Variants in SNORC observed in about 807,000 individuals in gnomAD.
The protein encoded by SNORC is secondary ossification center associated regulator of chondrocyte maturation.
In SNORC, 11 loss-of-function variants were observed where a neutral mutation model predicts 9.7. That is an observed-to-expected ratio of 1.14 (90% CI 0.72 to 1.88). The LOEUF is 1.88. Among genes scored for constraint, SNORC ranks in the 40% most tolerant of loss-of-function variants. The pLI is 0.00. For synonymous variants in SNORC, 108 were observed against 88.7 expected (o/e 1.22, Z -1.22); for missense variants, 197 against 173.1 (o/e 1.14, Z -0.77).
At chr2:232,870,355 T>C (rs1316999155) in exon 1 of SNORC, 3 of 1,562,910 alleles carry the variant, frequency 1.9e-6, no homozygotes, top group Middle Eastern at 1.7e-4. Context: ...GCATCCTGTC[T>C]GGCCCTGCGC....
chr2:232,866,622 C>T (rs767067548), upstream of SNORC, among the ~76,000 whole-genome samples: 31 of 152,080 alleles, frequency 2.0e-4, no homozygotes, highest in Non-Finnish European at 3.5e-4. Flanking sequence ...TTCACCACAG[C>T]TTATGAGATT....
chr2:232,869,969 C>G (rs1400503891), upstream of SNORC: 2 of 348,940 alleles, frequency 5.7e-6, no homozygotes, highest in Non-Finnish European at 1.1e-5. Context: ...GTTTCAAGTT[C>G]CCTGGGTGAT....
Position 232,876,059 on chromosome 2 carries a change from G to A in SNORC, c.193G>A (p.Ala65Thr), listed in dbSNP as rs1691223009. 4 of 1,536,984 alleles carry A rather than the reference G, an allele frequency of 2.6e-6. No homozygotes were observed. Among genetic ancestry groups the A allele is most frequent in the Non-Finnish European group, 3.5e-6 (4 of 1,146,116 alleles). ...GGAGCCCGTGGACACCGGTCCCCCA[G>A]CCCCCACCGTCGCGCCAGGACCCGA... is the stretch of plus-strand genomic sequence containing the variant. Residue 65 changes from alanine (A) to threonine (T), a missense_variant, in exon 2 of 3, where the codon GCC (alanine) becomes ACC (threonine). Ala to Thr is a moderately conservative substitution (Grantham distance 58). Coordinates refer to ENST00000331342, the Ensembl canonical transcript of SNORC. This position sits in a 1 kb window ranked among gnomAD's most constrained non-coding sequence, Gnocchi z 6.8.
intron 1 of SNORC, 30 bp from the exon 2 acceptor site, chr2:232,875,910 G>T: frequency 3.3e-6 from 5 of 1,525,238 alleles, no homozygotes; most frequent in Non-Finnish European, 4.4e-6. Context: ...CCGTCACCTG[G>T]GGCCCCAGCA....
chr2:232,876,038 C>A lies in SNORC; in HGVS notation c.172C>A (p.Pro58Thr), dbSNP rs1284888757. Residue 58 changes from proline to threonine, a missense_variant, in exon 2 of 3, where the codon CCC (proline) becomes ACC (threonine). By Grantham distance (38) the Pro-to-Thr change is conservative (BLOSUM62 -1). Coordinates refer to ENST00000331342, the Ensembl canonical transcript of SNORC. The surrounding 1 kb of genome is among the most constrained non-coding windows in gnomAD (Gnocchi z 6.8). ...GGAGAGCACCAGCCCCGGCCGGGAG[C>A]CCGTGGACACCGGTCCCCCAGCCCC... 1.3e-6 allele frequency: 2 copies of A among 1,543,034 alleles called. No individual in the cohort carries two copies. The highest frequency in any genetic ancestry group is 3.9e-5 in the Admixed American group (2 of 51,252).
At chr2:232,875,895 C>T (rs773494303) in intron 1 of SNORC, 45 bp from the exon 2 acceptor site, 16 of 1,509,490 alleles carry the variant, frequency 1.1e-5, no homozygotes, top group Non-Finnish European at 1.4e-5. Context: ...ACGTCCCTGT[C>T]GGCCCCGTCA....
At chr2:232,866,954 C>CA (rs1008587703), upstream of SNORC, among the ~76,000 whole-genome samples, 1 of 152,160 alleles carries the variant, frequency 6.6e-6, no homozygotes, top group African/African-American at 2.4e-5. Flanking sequence ...GACAGGGTTT[C>CA]ACCATGTCTC....
chr2:232,877,149 G>GT, downstream of SNORC: 1 of 985,656 alleles, frequency 1.0e-6, no homozygotes, highest in Non-Finnish European at 1.2e-6. Flanking sequence ...TGAGTCGAGA[G>GT]TCGACGCCGG....
downstream of SNORC, chr2:232,877,215 G>T (rs532388670): frequency 1.0e-6 from 1 of 985,490 alleles, no homozygotes; most frequent in African/African-American, 1.7e-5. Context: ...GGGGCCGGCA[G>T]CCCCCACGCC....
At chr2:232,877,019 C>T (rs1032889000), downstream of SNORC, 7 of 985,556 alleles carry the variant, frequency 7.1e-6, no homozygotes, top group East Asian at 1.1e-4. Context: ...GCTCTCCCAG[C>T]CAGAGGCCGC....
downstream of SNORC, chr2:232,877,080 C>G: frequency 1.0e-6 from 1 of 985,920 alleles, no homozygotes; most frequent in African/African-American, 1.7e-5. Flanking sequence ...GGGCCCCATC[C>G]GCGGGCTCAG....
At chr2:232,878,423 C>T (rs113110372), downstream of SNORC, 1,236 of 157,552 alleles carry the variant, frequency 7.8e-3, 23 homozygotes, top group African/African-American at 0.027. Context: ...CTACGGTCTT[C>T]CAAAGCTGTG....
At chr2:232,870,460 G>A (rs750586693) in intron 1 of SNORC, 46 bp downstream of exon 1, 1 of 1,522,976 alleles carries the variant, frequency 6.6e-7, no homozygotes, top group South Asian at 1.2e-5. Flanking sequence ...GCCTCCCAGG[G>A]CCGATAACTA....
chr2:232,876,660 T>C (rs2106197859), downstream of SNORC: 1 of 1,011,660 alleles, frequency 9.9e-7, no homozygotes, highest in Non-Finnish European at 1.2e-6. This position sits in a 1 kb window ranked among gnomAD's most constrained non-coding sequence, Gnocchi z 6.8. Flanking sequence ...GGCGTCCCCG[T>C]GCACCACGGC....
intron 1 of SNORC, among the ~76,000 whole-genome samples, 189 bp downstream of exon 1, chr2:232,870,603 A>G (rs1690992461): frequency 6.6e-6 from 1 of 152,214 alleles, no homozygotes; most frequent in African/African-American, 2.4e-5. Context: ...TGGACGTCTC[A>G]GGAAATTGTT....
In SNORC at chr2:232,876,231, C is replaced by T; in HGVS notation, c.257-16C>T. 1.3e-6 allele frequency: 2 copies of T among 1,498,812 alleles called. No homozygotes were observed. Among genetic ancestry groups the T allele is most frequent in the Non-Finnish European group, 1.8e-6 (2 of 1,130,762 alleles). The allele number at this position is 1,498,812 out of a possible 1,614,324, so 92.8% of individuals were successfully genotyped here. A position where few individuals can be genotyped will look rare whatever the true frequency, so the allele number is the denominator to read the frequency against. On this transcript the variant is annotated splice_polypyrimidine_tract_variant and intron_variant, in intron 2 of 2. Coordinates refer to ENST00000331342, the Ensembl canonical transcript of SNORC. This position sits in a 1 kb window ranked among gnomAD's most constrained non-coding sequence, Gnocchi z 6.8. ...GGCGGGGGCTAGCAGGTGACATGGT[C>T]CTCCGTCCTCCGCAGGGTCGCTGGG...
upstream of SNORC, among the ~76,000 whole-genome samples, chr2:232,867,516 A>G (rs1274777533): frequency 6.6e-6 from 1 of 152,192 alleles, no homozygotes; most frequent in Non-Finnish European, 1.5e-5. Flanking sequence ...TTCTACCTTT[A>G]GCATGGTTAT....
downstream of SNORC, chr2:232,876,969 C>G (rs996238113): frequency 2.0e-6 from 2 of 985,448 alleles, no homozygotes; most frequent in Admixed American, 6.1e-5. This position sits in a 1 kb window ranked among gnomAD's most constrained non-coding sequence, Gnocchi z 6.8. Flanking sequence ...CGGGGCCCGC[C>G]GCTCCTTGAG....
chr2:232,870,458 G>A (rs1178733998), intron 1 of SNORC, 44 bp downstream of exon 1: 1 of 1,530,076 alleles, frequency 6.5e-7, no homozygotes, highest in East Asian at 2.4e-5. Context: ...TAGCCTCCCA[G>A]GGCCGATAAC....
Sources: allele counts gnomAD v4.1 joint callset (sites outside exome capture counted in the v4.1 genomes callset), GRCh38; gene constraint gnomAD v4.1.1; non-coding constraint Gnocchi (gnomAD v3.1); transcripts MANE v1.5; gene names NCBI Gene and HGNC (gene_info 2026-07-23, HGNC 2026-07-21).